OPCML: variants seen among roughly 807,000 people sequenced by gnomAD.
OPCML encodes the protein opioid binding protein/cell adhesion molecule like, also known as opioid-binding protein/cell adhesion molecule.
Under a neutral mutation model 37.8 loss-of-function variants are expected in OPCML, and 13 were observed. The observed-to-expected ratio is 0.34, with a 90% CI of 0.22 to 0.55. The LOEUF (loss-of-function observed/expected upper bound fraction) is 0.55, where lower values mean the gene tolerates loss of function less well. OPCML is among the 20% of genes least tolerant of loss of function. OPCML has a pLI of 0.91. For missense variants in OPCML, 341 were observed against 435.6 expected (o/e 0.78, Z 1.93); for synonymous variants, 176 against 168.8 (o/e 1.04, Z -0.33).
At chr11:132,564,300 T>A (rs2137524796) in intron 3 of OPCML, among the ~76,000 whole-genome samples, 1 of 152,342 alleles carries the variant, frequency 6.6e-6, no homozygotes, top group South Asian at 2.1e-4. Context: ...GAGGTGGCAC[T>A]TGACAGTGTC....
At chr11:132,511,021 A>G (rs1013192689) in intron 4 of OPCML, among the ~76,000 whole-genome samples, 2 of 152,198 alleles carry the variant, frequency 1.3e-5, no homozygotes, top group African/African-American at 2.4e-5. Context: ...GACTGGTATG[A>G]AAGAGTAAAA....
At chr11:133,237,544 G>C (rs559967159) in intron 1 of OPCML, among the ~76,000 whole-genome samples, 2 of 152,340 alleles carry the variant, frequency 1.3e-5, no homozygotes, top group African/African-American at 2.4e-5. Flanking sequence ...GACACTTTTA[G>C]AGGACCAAAT....
At chr11:133,020,979 C>G (rs1188178129) in intron 1 of OPCML, among the ~76,000 whole-genome samples, 1 of 152,150 alleles carries the variant, frequency 6.6e-6, no homozygotes. Context: ...ATGCATATGA[C>G]AAGACAGGCC....
chr11:133,188,897 A>C (rs1164884291), intron 1 of OPCML, among the ~76,000 whole-genome samples: 11 of 152,224 alleles, frequency 7.2e-5, no homozygotes, highest in African/African-American at 2.4e-4. Flanking sequence ...CACTCACAGA[A>C]GGCTGGTTTA....
At chr11:133,063,244 A>G (rs1025256043) in intron 1 of OPCML, among the ~76,000 whole-genome samples, 4 of 152,164 alleles carry the variant, frequency 2.6e-5, no homozygotes, top group Admixed American at 2.0e-4. Flanking sequence ...AACGGCGGAG[A>G]GAAGCAACCA....
chr11:133,147,675 C>G (rs1949916886), intron 1 of OPCML, among the ~76,000 whole-genome samples: 1 of 152,110 alleles, frequency 6.6e-6, no homozygotes, highest in African/African-American at 2.4e-5. Flanking sequence ...TGTAACCCGC[C>G]CTGCTCCCCA....
intron 1 of OPCML, among the ~76,000 whole-genome samples, chr11:133,156,578 G>C (rs1485737303): frequency 6.6e-6 from 1 of 152,198 alleles, no homozygotes; most frequent in Non-Finnish European, 1.5e-5. Flanking sequence ...TCACCCCTTA[G>C]TGGAGAATCC....
At chr11:132,940,505 A>C (rs1945540630) in intron 2 of OPCML, among the ~76,000 whole-genome samples, 1 of 152,220 alleles carries the variant, frequency 6.6e-6, no homozygotes, top group Non-Finnish European at 1.5e-5. Context: ...TAAGAATTAC[A>C]GCTTATACAG....
intron 1 of OPCML, among the ~76,000 whole-genome samples, chr11:133,130,349 C>T (rs1949584020): frequency 6.6e-6 from 1 of 151,876 alleles, no homozygotes; most frequent in Non-Finnish European, 1.5e-5. Flanking sequence ...AATTGAGTTG[C>T]TATAGGAAAG....
intron 2 of OPCML, among the ~76,000 whole-genome samples, chr11:132,815,809 G>A (rs1288917389): frequency 1.3e-5 from 2 of 152,222 alleles, no homozygotes; most frequent in Non-Finnish European, 1.5e-5. Flanking sequence ...CAAGGTTGAA[G>A]ATCTAGAAGA....
intron 1 of OPCML, among the ~76,000 whole-genome samples, chr11:133,453,449 A>G (rs2136962945): frequency 6.6e-6 from 1 of 152,224 alleles, no homozygotes; most frequent in East Asian, 1.9e-4. Flanking sequence ...CATAGGGTAC[A>G]ATTTATTTAT....
intron 2 of OPCML, among the ~76,000 whole-genome samples, chr11:132,692,230 A>T (rs3862599): frequency 1.4e-5 from 2 of 147,454 alleles, no homozygotes; most frequent in South Asian, 2.2e-4. Context: ...GTGATGCTAC[A>T]GGAAAAAAAA....
At chr11:133,479,717 G>A (rs150086829) in intron 1 of OPCML, among the ~76,000 whole-genome samples, 1 of 152,286 alleles carries the variant, frequency 6.6e-6, no homozygotes, top group African/African-American at 2.4e-5. Context: ...GCACAGTCTC[G>A]AGGAGCCCAT....
chr11:133,180,996 A>G (rs1248065795), intron 1 of OPCML, among the ~76,000 whole-genome samples: 1 of 152,246 alleles, frequency 6.6e-6, no homozygotes, highest in Non-Finnish European at 1.5e-5. Context: ...GAGTGGCTGA[A>G]TAACAACCAA....
At chr11:132,664,414 C>G (rs1269114505) in intron 2 of OPCML, among the ~76,000 whole-genome samples, 1 of 152,104 alleles carries the variant, frequency 6.6e-6, no homozygotes, top group Non-Finnish European at 1.5e-5. Flanking sequence ...TCTGAATTTA[C>G]TTTTTTAATA....
chr11:133,276,598 T>G (rs778069276), intron 1 of OPCML, among the ~76,000 whole-genome samples: 20 of 152,238 alleles, frequency 1.3e-4, no homozygotes, highest in Admixed American at 6.5e-5. Flanking sequence ...AGCTCTGACA[T>G]GCTGTACAAA....
chr11:133,057,991 G>A (rs554026853), intron 1 of OPCML, among the ~76,000 whole-genome samples: 33 of 152,208 alleles, frequency 2.2e-4, no homozygotes, highest in Middle Eastern at 3.4e-3. Context: ...TCTGCCTTCC[G>A]CACTAGACTA....
At chr11:132,461,973 T>C (rs1231254223) in intron 4 of OPCML, among the ~76,000 whole-genome samples, 1 of 152,176 alleles carries the variant, frequency 6.6e-6, no homozygotes, top group East Asian at 1.9e-4. Flanking sequence ...GAAACTACAA[T>C]TCAAGGTGAC....
At chr11:132,606,160 T>G (rs1005096737) in intron 3 of OPCML, among the ~76,000 whole-genome samples, 8 of 152,220 alleles carry the variant, frequency 5.3e-5, no homozygotes, top group Admixed American at 6.5e-5. Flanking sequence ...CCTATTTACA[T>G]TAAAAGTTAA....
Sources: allele counts gnomAD v4.1 joint callset (sites outside exome capture counted in the v4.1 genomes callset), GRCh38; gene constraint gnomAD v4.1.1; transcripts MANE v1.5; gene names NCBI Gene and HGNC (gene_info 2026-07-23, HGNC 2026-07-21).